SOHLH1: variants seen among roughly 807,000 people sequenced by gnomAD.
SOHLH1 encodes spermatogenesis and oogenesis specific basic helix-loop-helix 1.
A neutral mutation model predicts 36.2 loss-of-function variants in SOHLH1; 23 were observed. That is an observed-to-expected ratio of 0.64 (90% confidence interval 0.46 to 0.90). The LOEUF (loss-of-function observed/expected upper bound fraction) is 0.90. Among genes scored for constraint, SOHLH1 ranks in the 40% least tolerant of loss-of-function variants. The pLI, the probability that SOHLH1 is intolerant of heterozygous loss-of-function variation, is 0.00. For synonymous variants in SOHLH1, 289 were observed against 228.3 expected (o/e 1.27, Z -2.40); for missense variants, 608 against 517.0 (o/e 1.18, Z -1.71).
intron 3 of SOHLH1, 36 bp from the exon 4 acceptor site, chr9:135,697,663 G>T: frequency 6.3e-7 from 1 of 1,599,360 alleles, no homozygotes. Flanking sequence ...CAAAGACAGA[G>T]ACAGTCAGCT....
In SOHLH1 at chr9:135,693,801, A is replaced by C. The variant is rs962690251; in HGVS notation, c.960T>G (p.Gly320=). 6 of 1,573,256 alleles carry C rather than the reference A, an allele frequency of 3.8e-6. No individual in the cohort carries two copies. Among genetic ancestry groups the C allele is most frequent in the Non-Finnish European group, 5.2e-6 (6 of 1,159,178 alleles). The change falls in exon 8 of 8, where the codon GGT becomes GGG. Residue 320 remains glycine, a synonymous_variant. Transcript: ENST00000425225. ...CCCATGCAGGGCCACTGCCTCCTCGACCCTCCAGAGACCCTGGAAGCAAAC... is the reference window on the plus strand; with the variant it reads ...CCCATGCAGGGCCACTGCCTCCTCGCCCCTCCAGAGACCCTGGAAGCAAAC... The part of the protein sequence containing the change: ...GPSSWPGSLE[G]RGGSGPAWAP...
At chr9:135,694,562 G>T in intron 6 of SOHLH1, 105 bp from the exon 7 acceptor site, 1 of 1,475,604 alleles carries the variant, frequency 6.8e-7, no homozygotes. Flanking sequence ...CGAATGCAAA[G>T]ATCTAGGCAC....
chr9:135,693,721 G>A lies in SOHLH1; in HGVS notation c.1040C>T (p.Pro347Leu). ...DVGEPGFLGD[P>L]ELGSQELQDS... is the part of the protein sequence containing the mutation. ...CTGGAGCTCCTGGGAGCCAAGCTCAGGGTCCCCTAGGAAGCCTGGCTCTCC... is the reference window on the plus strand; with the variant it reads ...CTGGAGCTCCTGGGAGCCAAGCTCAAGGTCCCCTAGGAAGCCTGGCTCTCC... Residue 347 changes from proline (P) to leucine (L), a missense_variant, in exon 8 of 8, where the codon CCT becomes CTT. Physicochemically the swap from Pro to Leu is moderately conservative, Grantham distance 98. Transcript: ENST00000425225. The A allele has an allele frequency of 6.4e-7, 1 of 1,573,232 alleles. No individual in the cohort carries two copies. Among genetic ancestry groups the A allele is most frequent in the Non-Finnish European group, 8.6e-7 (1 of 1,160,204 alleles).
intron 4 of SOHLH1, among the ~76,000 whole-genome samples, chr9:135,697,077 G>A (rs1368950070): frequency 6.6e-6 from 1 of 152,188 alleles, no homozygotes; most frequent in Non-Finnish European, 1.5e-5. Flanking sequence ...GGGTAAAATG[G>A]GTACATTTAA....
Position 135,693,726 on chromosome 9 carries a change from C to A in SOHLH1, c.1035G>T (p.Gly345=). ...GCTCCTGGGAGCCAAGCTCAGGGTC[C>A]CCTAGGAAGCCTGGCTCTCCAACAT... ...PLDVGEPGFL[G]DPELGSQELQ... is the part of the protein sequence containing the mutation. Residue 345 remains glycine (G), a synonymous_variant, in exon 8 of 8, where the codon GGG becomes GGT. Transcript: ENST00000425225. 6.4e-7 allele frequency: 1 copy of A among 1,573,578 alleles called. No individual in the cohort carries two copies. Among genetic ancestry groups the A allele is most frequent in the Non-Finnish European group, 8.6e-7 (1 of 1,160,412 alleles).
At chr9:135,695,505 G>C (rs1320552232) in intron 5 of SOHLH1, among the ~76,000 whole-genome samples, 1 of 152,148 alleles carries the variant, frequency 6.6e-6, no homozygotes, top group Non-Finnish European at 1.5e-5. Context: ...GCTTCCTAGA[G>C]GGGGTGCTGG....
chr9:135,694,726 TCCCTCC>T (rs1834720966), intron 6 of SOHLH1, among the ~76,000 whole-genome samples: 1 of 133,266 alleles, frequency 7.5e-6, no homozygotes, highest in African/African-American at 2.8e-5. Context: ...TCTCGTCCCC[TCCCTCC>T]CCCTCCCCTC....
At chr9:135,697,426 C>A in intron 4 of SOHLH1, 80 bp downstream of exon 4, 2 of 1,569,272 alleles carry the variant, frequency 1.3e-6, no homozygotes, top group East Asian at 2.3e-5. Context: ...CACACCCTCC[C>A]GAGGACATGC....
chr9:135,696,730 C>G lies in SOHLH1; in HGVS notation c.543G>C (p.Pro181=). The G allele has an allele frequency of 6.2e-7, 1 of 1,613,006 alleles. No homozygotes were observed. The highest frequency in any genetic ancestry group is 8.5e-7 in the Non-Finnish European group (1 of 1,179,988). The change falls in exon 5 of 8, where the codon CCG becomes CCC. Residue 181 remains proline (P), a synonymous_variant. Coordinates refer to ENST00000425225, the MANE Select transcript of SOHLH1 (RefSeq NM_001101677.2). The stretch of plus-strand genomic sequence containing the variant: ...ACTGCCTGGAGGACGCAAGGATGTG[C>G]GGCACGGGCTCTGGGCTGGCCGACG... ...DPASASPEPV[P]HILASSRQWD... is the part of the protein sequence containing the mutation.
chr9:135,698,558 T>G, intron 2 of SOHLH1, 82 bp from the exon 3 acceptor site: 1 of 1,597,684 alleles, frequency 6.3e-7, no homozygotes, highest in Non-Finnish European at 8.6e-7. Context: ...ACCTGCCAGA[T>G]AGACCCTGGG....
At chr9:135,695,325 G>A in intron 5 of SOHLH1, 62 bp from the exon 6 acceptor site, 1 of 1,484,682 alleles carries the variant, frequency 6.7e-7, no homozygotes, top group Non-Finnish European at 9.2e-7. Flanking sequence ...TGCCCCCGAG[G>A]ACCTCGTGAC....
rs767586596 is a variant in SOHLH1, at chr9:135,698,976, G to A, written c.197+19C>T. ...ACCCCTTTACAGCGCCCTCACCCCT[G>A]GGAGGCACCACCACTCACCTGCGCT... On this transcript the variant is annotated intron_variant, in intron 2 of 7. Coordinates refer to ENST00000425225, the MANE Select transcript of SOHLH1 (RefSeq NM_001101677.2). 3 of 1,611,244 alleles carry A rather than the reference G, an allele frequency of 1.9e-6. No individual in the cohort carries two copies. Among genetic ancestry groups the A allele is most frequent in the South Asian group, 1.1e-5 (1 of 90,986 alleles).
In SOHLH1 at chr9:135,696,203, G is replaced by A. The variant is rs117572028; in HGVS notation, c.661+409C>T. Among the ~76,000 whole-genome samples the A allele has an allele frequency of 6.2e-3, 945 of 151,982 alleles. 8 individuals are homozygous for A. The highest frequency in any genetic ancestry group is 0.01 in the Non-Finnish European group (696 of 67,888). On this transcript the variant is annotated intron_variant, in intron 5 of 7. Transcript: ENST00000425225. ...TCCCCATACTTCCTGCAGACCCAGG[G>A]AGTGACCAGGATGGGGCCAAGTCCC... is the stretch of plus-strand genomic sequence containing the variant.
chr9:135,694,726 TCCCTCCCCCTC>T (rs1400891178), intron 6 of SOHLH1, among the ~76,000 whole-genome samples: 4 of 133,254 alleles, frequency 3.0e-5, no homozygotes, highest in East Asian at 2.3e-4. Context: ...TCTCGTCCCC[TCCCTCCCCCTC>T]CCCTCCCCCT....
rs369689574 is a variant in SOHLH1 at position 135,695,608 on chromosome 9, G to A, written c.662-345C>T. ...GCCCTCAGACCTGCTCGCTCCCCAC[G>A]TGCCTGGCTGACTCCTGGGTTTCCG... On this transcript the variant is annotated intron_variant, in intron 5 of 7. Coordinates refer to ENST00000425225, the MANE Select transcript of SOHLH1 (RefSeq NM_001101677.2). 6.6e-4 allele frequency among the ~76,000 whole-genome samples: 100 copies of A among 152,186 alleles called. 1 individual carries two copies. The South Asian group carries it at 0.02, about 30-fold the overall frequency.
chr9:135,693,882 G>A, intron 7 of SOHLH1, 68 bp from the exon 8 acceptor site: 1 of 1,505,078 alleles, frequency 6.6e-7, no homozygotes, highest in Non-Finnish European at 8.9e-7. Flanking sequence ...GACAGGTGGG[G>A]TCGGAGGAAC....
chr9:135,699,677 T>C (rs1834967410), upstream of SOHLH1: 1 of 643,382 alleles, frequency 1.6e-6, no homozygotes, highest in East Asian at 2.7e-5. Context: ...AAGAAGGTGC[T>C]GGAAAGGGAC....
chr9:135,698,953 C>G, intron 2 of SOHLH1, 42 bp downstream of exon 2: 1 of 1,610,748 alleles, frequency 6.2e-7, no homozygotes, highest in Non-Finnish European at 8.5e-7. Context: ...CCCGCTCCAC[C>G]CCTTTACAGC....
At chr9:135,694,094 GGCTGGACCAGGGGCCTCGCTGA>G in intron 7 of SOHLH1, 1 of 1,428,610 alleles carries the variant, frequency 7.0e-7, no homozygotes, top group South Asian at 1.5e-5. Flanking sequence ...GGCCAGCACG[GGCTGGACCAGGGGCCTCGCTGA>G]CACAGGGTCA....
Sources: gnomAD v4.1 joint callset for allele counts (sites outside exome capture counted in the v4.1 genomes callset) on GRCh38, gnomAD v4.1.1 for gene constraint, MANE v1.5 for transcripts, NCBI Gene and HGNC (gene_info 2026-07-23, HGNC 2026-07-21) for gene names.